Variants in XKR4 observed in about 807,000 individuals in gnomAD.
XKR4 encodes XK related 4, also known as XK-related protein 4.
Under a neutral mutation model 53.9 loss-of-function variants are expected in XKR4, and 12 were observed. The observed-to-expected ratio is 0.22, with a 90% CI of 0.14 to 0.36. The LOEUF (loss-of-function observed/expected upper bound fraction) is 0.36, where lower values mean the gene tolerates loss of function less well. XKR4 is among the 10% of genes least tolerant of loss of function. The probability of loss-of-function intolerance (pLI) is 1.00; values close to 1 mark genes in which losing one functional copy is unlikely to be tolerated. For missense variants in XKR4, 799 were observed against 859.5 expected (o/e 0.93, Z 0.88); for synonymous variants, 354 against 362.4 (o/e 0.98, Z 0.26).
At chr8:55,443,571 C>T (rs1026238685) in intron 2 of XKR4, among the ~76,000 whole-genome samples, 7 of 134,012 alleles carry the variant, frequency 5.2e-5, no homozygotes, top group African/African-American at 2.0e-4. Flanking sequence ...AGGAGGGGAG[C>T]AGTGGCTCAC....
intron 1 of XKR4, among the ~76,000 whole-genome samples, chr8:55,353,554 A>G (rs941672596): frequency 6.6e-6 from 1 of 152,184 alleles, no homozygotes; most frequent in African/African-American, 2.4e-5. Context: ...GAACCGTGAG[A>G]TAATAAATTT....
rs374002726 is a variant in XKR4 at position 55,122,646 on chromosome 8, T to C, written c.806+19352T>C. On this transcript the variant is annotated intron_variant, in intron 1 of 2. Transcript: ENST00000327381. ...CGTGTTAAAGAATCACGTTTTCGTG[T>C]GCTTCAAAGGAAAAACAAAGTTCTA... Among the ~76,000 whole-genome samples, 13 of 152,322 alleles carry C rather than the reference T, an allele frequency of 8.5e-5. No homozygotes were observed. In the South Asian group the frequency reaches 2.7e-3, roughly 32 times the overall value.
At chr8:55,296,226 C>G (rs1367971631) in intron 1 of XKR4, among the ~76,000 whole-genome samples, 1 of 152,158 alleles carries the variant, frequency 6.6e-6, no homozygotes, top group Non-Finnish European at 1.5e-5. Context: ...GGGGCATATT[C>G]TTTCCTTTTA....
chr8:55,287,143 A>G (rs1374653586), intron 1 of XKR4, among the ~76,000 whole-genome samples: 3 of 141,770 alleles, frequency 2.1e-5, no homozygotes, highest in South Asian at 2.4e-4. Flanking sequence ...GGGGGGGGGA[A>G]CCTTCAATAA....
At chr8:55,387,256 T>C (rs1438937374) in intron 2 of XKR4, among the ~76,000 whole-genome samples, 1 of 152,220 alleles carries the variant, frequency 6.6e-6, no homozygotes, top group Non-Finnish European at 1.5e-5. Context: ...CTCAGCCCTC[T>C]GGGCTGTCCT....
chr8:55,427,477 CT>C (rs1439007735), intron 2 of XKR4, among the ~76,000 whole-genome samples: 1 of 152,154 alleles, frequency 6.6e-6, no homozygotes, highest in South Asian at 2.1e-4. Context: ...TCCCAAAGTG[CT>C]GGGATTATAG....
At position 55,524,968 on chromosome 8, in the gene XKR4, G is replaced by T. The variant is rs546187760; in HGVS notation, c.*741G>T. 6.5e-6 allele frequency: 1 copy of T among 152,710 alleles called. No homozygotes were observed. The highest frequency in any genetic ancestry group is 2.1e-4 in the South Asian group (1 of 4,818). 9.5% of individuals were successfully genotyped at this position (152,710 alleles called of 1,614,324 possible). A position where few individuals can be genotyped will look rare whatever the true frequency, so the allele number is the denominator to read the frequency against. On this transcript the variant is annotated 3_prime_UTR_variant, in exon 3 of 3. Transcript: ENST00000327381. ...GCAGCCCATGTACGGCTTTCAACAAGACCAAGGAGCTCAATAACTTCATGA... is the reference window on the plus strand; with the variant it reads ...GCAGCCCATGTACGGCTTTCAACAATACCAAGGAGCTCAATAACTTCATGA...
At chr8:55,426,423 G>C (rs552612476) in intron 2 of XKR4, among the ~76,000 whole-genome samples, 1 of 151,880 alleles carries the variant, frequency 6.6e-6, no homozygotes, top group African/African-American at 2.4e-5. Flanking sequence ...TCAGAGGCTG[G>C]GTTTGGGTTT....
chr8:55,104,735 A>G (rs1037436044), intron 1 of XKR4, among the ~76,000 whole-genome samples: 10 of 48,962 alleles, frequency 2.0e-4, no homozygotes, highest in Non-Finnish European at 3.4e-4. Flanking sequence ...AGTCAGACAA[A>G]TTGATGTTGG....
chr8:55,151,016 T>C (rs1400517634), intron 1 of XKR4, among the ~76,000 whole-genome samples: 1 of 152,222 alleles, frequency 6.6e-6, no homozygotes, highest in South Asian at 2.1e-4. Context: ...TCTCTAATTT[T>C]GGCAATTACT....
chr8:55,524,058 T>C lies in XKR4; in HGVS notation c.1784T>C (p.Ile595Thr). The change falls in exon 3 of 3, where the codon ATT (isoleucine) becomes ACT (threonine). Residue 595 changes from isoleucine to threonine, a missense_variant. Coordinates refer to ENST00000327381, the MANE Select transcript of XKR4 (RefSeq NM_052898.2). ...SRPPRIEESVIKIDLFRNRYP... is the reference protein window; with the variant it reads ...SRPPRIEESVTKIDLFRNRYP... ...CCACCACGGATTGAAGAATCAGTCA[T>C]TAAAATTGACTTGTTCAGGAATAGG... is the stretch of plus-strand genomic sequence containing the variant. The C allele has an allele frequency of 6.2e-7, 1 of 1,614,228 alleles. No homozygotes were observed. The highest frequency in any genetic ancestry group is 8.5e-7 in the Non-Finnish European group (1 of 1,180,050).
At chr8:55,250,913 T>C (rs1022847706) in intron 1 of XKR4, among the ~76,000 whole-genome samples, 1 of 152,328 alleles carries the variant, frequency 6.6e-6, no homozygotes, top group East Asian at 1.9e-4. Context: ...TGTTAGACCA[T>C]TTTCAGTGGT....
intron 2 of XKR4, among the ~76,000 whole-genome samples, chr8:55,494,743 A>G (rs1246071298): frequency 6.6e-6 from 1 of 151,966 alleles, no homozygotes. Flanking sequence ...CCTCTCTTTG[A>G]GTCTGGCTGA....
rs1219793484 is a variant in XKR4, at chr8:55,127,532, C to T, written c.806+24238C>T. ...CCTCCCAAAGTGCTGGGATTACAGG[C>T]GTGAGCCACCATGCCCAGCCTGGTG... is the stretch of plus-strand genomic sequence containing the variant. On this transcript the variant is annotated intron_variant, in intron 1 of 2. Coordinates refer to ENST00000327381, the MANE Select transcript of XKR4 (RefSeq NM_052898.2). Among the ~76,000 whole-genome samples the T allele has an allele frequency of 2.7e-5, 4 of 150,612 alleles. No homozygotes were observed. The East Asian group carries it at 5.8e-4, about 22-fold the overall frequency.
chr8:55,427,524 T>A (rs1032917219), intron 2 of XKR4, among the ~76,000 whole-genome samples: 3 of 152,216 alleles, frequency 2.0e-5, no homozygotes, highest in African/African-American at 7.2e-5. Context: ...GAACCAGTTA[T>A]TAATTAAAAT....
At chr8:55,286,505 C>T (rs1406460560) in intron 1 of XKR4, among the ~76,000 whole-genome samples, 3 of 152,068 alleles carry the variant, frequency 2.0e-5, no homozygotes, top group Admixed American at 6.5e-5. Context: ...CTAGGGGATA[C>T]GGGGGCATGC....
intron 2 of XKR4, among the ~76,000 whole-genome samples, chr8:55,415,835 C>T (rs1004366728): frequency 7.2e-5 from 11 of 152,102 alleles, no homozygotes; most frequent in African/African-American, 2.2e-4. Context: ...TAGAGTTATA[C>T]GAATTAAACA....
chr8:55,381,994 A>T (rs1161413630), intron 2 of XKR4, among the ~76,000 whole-genome samples: 2 of 152,186 alleles, frequency 1.3e-5, no homozygotes, highest in African/African-American at 4.8e-5. Context: ...TTTGTCTTCC[A>T]GTTATGTTGT....
chr8:55,256,993 C>T (rs1275044654), intron 1 of XKR4, among the ~76,000 whole-genome samples: 1 of 152,178 alleles, frequency 6.6e-6, no homozygotes, highest in Non-Finnish European at 1.5e-5. Context: ...TTGCTGCATC[C>T]TTTCCACCTC....
Sources: gnomAD v4.1 joint callset for allele counts (sites outside exome capture counted in the v4.1 genomes callset) on GRCh38, gnomAD v4.1.1 for gene constraint, MANE v1.5 for transcripts, NCBI Gene and HGNC (gene_info 2026-07-23, HGNC 2026-07-21) for gene names.